FDFT1: variants seen among roughly 807,000 people sequenced by gnomAD.
The protein encoded by FDFT1 is squalene synthase.
FDFT1 carries 68 observed loss-of-function variants against 46.8 expected under a neutral mutation model. The observed-to-expected ratio is 1.45, with a 90% CI of 1.19 to 1.78. The LOEUF (loss-of-function observed/expected upper bound fraction) is 1.78, where lower values mean the gene tolerates loss of function less well. Ranked by LOEUF, FDFT1 falls within the 40% of genes most tolerant of loss-of-function variation. The pLI, the probability that FDFT1 is intolerant of heterozygous loss-of-function variation, is 0.00. For missense variants in FDFT1, 928 were observed against 524.4 expected, an observed-to-expected ratio of 1.77 and a Z score of -7.52; for synonymous variants, 351 against 185.1, an observed-to-expected ratio of 1.90 and a Z score of -7.28.
At chr8:11,829,206 G>A (rs576558082) in intron 5 of FDFT1, among the ~76,000 whole-genome samples, 3 of 152,246 alleles carry the variant, frequency 2.0e-5, no homozygotes, top group African/African-American at 7.2e-5. Flanking sequence ...TATAATAAAT[G>A]TACATAATAG....
chr8:11,816,084 A>G (rs192221976), intron 3 of FDFT1, among the ~76,000 whole-genome samples: 2 of 152,354 alleles, frequency 1.3e-5, no homozygotes, highest in Admixed American at 1.3e-4. Context: ...CTTTCTACAT[A>G]TGGCAAGCCA....
chr8:11,836,226 G>A (rs1039477262), intron 7 of FDFT1, among the ~76,000 whole-genome samples: 13 of 151,956 alleles, frequency 8.6e-5, no homozygotes, highest in Non-Finnish European at 1.6e-4. Context: ...TCATTGTAGT[G>A]AATGCCTATT....
At chr8:11,834,073 C>A (rs1328861693) in intron 7 of FDFT1, among the ~76,000 whole-genome samples, 5 of 152,240 alleles carry the variant, frequency 3.3e-5, no homozygotes, top group Admixed American at 2.0e-4. Flanking sequence ...TCCTATTTCT[C>A]CTTGCTGACC....
intron 3 of FDFT1, among the ~76,000 whole-genome samples, chr8:11,817,519 A>G (rs191171924): frequency 2.6e-5 from 4 of 152,178 alleles, no homozygotes; most frequent in South Asian, 2.1e-4. Context: ...TTGGTAGGCT[A>G]TTAATTATTG....
chr8:11,819,668 T>C (rs573748786), intron 3 of FDFT1, among the ~76,000 whole-genome samples: 2 of 152,210 alleles, frequency 1.3e-5, no homozygotes, highest in Admixed American at 6.5e-5. Context: ...CTTTGTGAAA[T>C]TCTTGTACTT....
rs1170208525 is a variant in FDFT1 at position 11,839,225 on chromosome 8, C to CT, written c.*620dup. 1 of 152,660 alleles carries CT rather than the reference C, an allele frequency of 6.6e-6. No individual in the cohort carries two copies. The highest frequency in any genetic ancestry group is 1.5e-5 in the Non-Finnish European group (1 of 68,362). The allele number at this position is 152,660 out of a possible 1,614,324, so 9.5% of individuals were successfully genotyped here. ...GAGAAACAGCAGGATTGCTTTTGAC[C>CT]TTTTAGAAGATTGGTCTCCAGTAAA... On this transcript the variant is annotated 3_prime_UTR_variant, in exon 8 of 8. Coordinates refer to ENST00000220584, the MANE Select transcript of FDFT1 (RefSeq NM_004462.5).
At chr8:11,799,017 T>C (rs1017803953), upstream of FDFT1, among the ~76,000 whole-genome samples, 1 of 152,184 alleles carries the variant, frequency 6.6e-6, no homozygotes, top group African/African-American at 2.4e-5. Context: ...CGTACATATT[T>C]AACAGATTAC....
chr8:11,831,802 G>C (rs1290434791), intron 7 of FDFT1, 132 bp downstream of exon 7: 1 of 780,650 alleles, frequency 1.3e-6, no homozygotes, highest in South Asian at 1.7e-5. Context: ...GACAGGAATT[G>C]ATATCCTTTA....
At chr8:11,838,332 G>A in intron 7 of FDFT1, 56 bp from the exon 8 acceptor site, 1 of 1,358,372 alleles carries the variant, frequency 7.4e-7, no homozygotes, top group Non-Finnish European at 1.1e-6. Flanking sequence ...GTTGTAAGTA[G>A]CCATGGAAAA....
At chr8:11,810,026 A>G (rs1807483377) in intron 3 of FDFT1, 176 bp downstream of exon 3, 2 of 547,274 alleles carry the variant, frequency 3.7e-6, no homozygotes. Context: ...CTGGGTTGGA[A>G]TCTCAAATCT....
chr8:11,802,310 C>A, upstream of FDFT1: 1 of 398,182 alleles, frequency 2.5e-6, no homozygotes, highest in Non-Finnish European at 5.1e-6. Context: ...GCCACCGAGG[C>A]CGGACACGTG....
chr8:11,803,110 G>T (rs899150477), intron 1 of FDFT1, 179 bp downstream of exon 1: 1 of 1,428,906 alleles, frequency 7.0e-7, no homozygotes, highest in Non-Finnish European at 9.1e-7. Flanking sequence ...GGACGCGGCC[G>T]TCCTGGCTGA....
intron 4 of FDFT1, among the ~76,000 whole-genome samples, chr8:11,823,568 C>G (rs1055662971): frequency 2.0e-5 from 3 of 151,874 alleles, no homozygotes; most frequent in African/African-American, 4.8e-5. Flanking sequence ...GTATTACTTT[C>G]AGTCAGAGAC....
chr8:11,831,762 C>G (rs1344762221), intron 7 of FDFT1, 92 bp downstream of exon 7: 1 of 1,059,272 alleles, frequency 9.4e-7, no homozygotes, highest in Non-Finnish European at 1.4e-6. Context: ...TTAGATGATC[C>G]TAACAATTCA....
At chr8:11,796,263 A>G (rs961238060) in intron 1 of FDFT1, among the ~76,000 whole-genome samples, 2 of 152,190 alleles carry the variant, frequency 1.3e-5, no homozygotes, top group African/African-American at 4.8e-5. Context: ...AAGTGACTGG[A>G]CTGTTTGTGT....
At chr8:11,796,796 A>G (rs1161857152) in intron 1 of FDFT1, among the ~76,000 whole-genome samples, 1 of 152,222 alleles carries the variant, frequency 6.6e-6, no homozygotes, top group Non-Finnish European at 1.5e-5. Flanking sequence ...ATTGGGCCTT[A>G]GCCCATGAGG....
intron 1 of FDFT1, chr8:11,803,653 C>A: frequency 2.2e-6 from 1 of 451,720 alleles, no homozygotes; most frequent in Non-Finnish European, 3.4e-6. Flanking sequence ...ACAAATTCAG[C>A]CAAGTTCTTC....
intron 1 of FDFT1, among the ~76,000 whole-genome samples, chr8:11,805,548 G>C (rs905372557): frequency 6.6e-6 from 1 of 152,142 alleles, no homozygotes; most frequent in Admixed American, 6.6e-5. Context: ...AACAACCTTG[G>C]TAACTTAACC....
chr8:11,802,492 G>A (rs553999066), upstream of FDFT1: 1 of 490,812 alleles, frequency 2.0e-6, no homozygotes, highest in Non-Finnish European at 4.0e-6. Flanking sequence ...CTCCATCAGG[G>A]CACCAATCCC....
Sources: allele counts gnomAD v4.1 joint callset (sites outside exome capture counted in the v4.1 genomes callset), GRCh38; gene constraint gnomAD v4.1.1; transcripts MANE v1.5; gene names NCBI Gene and HGNC (gene_info 2026-07-23, HGNC 2026-07-21).